Variants in CEP128 observed in about 807,000 individuals in gnomAD.
The protein encoded by CEP128 is centrosomal protein 128kDa.
Under a neutral mutation model 156.7 loss-of-function variants are expected in CEP128, and 132 were observed. The observed-to-expected ratio is 0.84, with a 90% CI of 0.73 to 0.97. The LOEUF (loss-of-function observed/expected upper bound fraction) is 0.97, where lower values mean the gene tolerates loss of function less well. CEP128 is among the 50% of genes least tolerant of loss of function. CEP128 has a pLI of 0.00. For missense variants in CEP128, 1,252 were observed against 1,281.9 expected (o/e 0.98, Z 0.36); for synonymous variants, 469 against 448.9 (o/e 1.04, Z -0.57).
intron 19 of CEP128, among the ~76,000 whole-genome samples, chr14:80,660,709 T>C (rs1271432264): frequency 6.6e-6 from 1 of 152,180 alleles, no homozygotes; most frequent in Non-Finnish European, 1.5e-5. Flanking sequence ...TTATTTTCCA[T>C]GTTTTATGCA....
chr14:80,861,375 T>G (rs1887503604), intron 9 of CEP128, among the ~76,000 whole-genome samples: 1 of 152,036 alleles, frequency 6.6e-6, no homozygotes, highest in Non-Finnish European at 1.5e-5. Context: ...AATTGTAACT[T>G]TAACAGTGGA....
intron 18 of CEP128, among the ~76,000 whole-genome samples, chr14:80,753,769 T>C (rs1899504668): frequency 6.6e-6 from 1 of 152,222 alleles, no homozygotes; most frequent in Non-Finnish European, 1.5e-5. Flanking sequence ...CGAATTTGCC[T>C]ATCTGGGACA....
chr14:80,584,537 A>C (rs1463366966), intron 19 of CEP128, among the ~76,000 whole-genome samples: 2 of 151,964 alleles, frequency 1.3e-5, no homozygotes, highest in Non-Finnish European at 2.9e-5. Context: ...CTCCACCCAC[A>C]CCATTGCTGT....
At chr14:80,511,143 C>T (rs1414651433) in intron 23 of CEP128, among the ~76,000 whole-genome samples, 2 of 149,934 alleles carry the variant, frequency 1.3e-5, no homozygotes, top group East Asian at 3.9e-4. Context: ...TGGGAGTATT[C>T]CCTCCTCCTC....
chr14:80,845,233 A>C (rs1301009730), intron 9 of CEP128, among the ~76,000 whole-genome samples: 1 of 152,190 alleles, frequency 6.6e-6, no homozygotes. Context: ...AAGACATACA[A>C]GTCTTTTAAC....
chr14:80,520,306 C>A (rs1229295500), intron 23 of CEP128, among the ~76,000 whole-genome samples: 1 of 152,088 alleles, frequency 6.6e-6, no homozygotes, highest in East Asian at 1.9e-4. Context: ...GTGATCCCAG[C>A]TACTCGGGAG....
intron 21 of CEP128, among the ~76,000 whole-genome samples, chr14:80,558,072 AAAAT>A: frequency 6.6e-6 from 1 of 152,190 alleles, no homozygotes; most frequent in Admixed American, 6.5e-5. Flanking sequence ...AAATAAAATT[AAAAT>A]CTATAATTCT....
At chr14:80,729,127 G>GTGTGTGTGT (rs1222842349) in intron 19 of CEP128, among the ~76,000 whole-genome samples, 4 of 115,116 alleles carry the variant, frequency 3.5e-5, no homozygotes, top group African/African-American at 1.2e-4. Context: ...GTGTGTGTGT[G>GTGTGTGTGT]TTTACCCAGT....
chr14:80,831,966 A>T (rs1414685766), intron 12 of CEP128, among the ~76,000 whole-genome samples: 1 of 152,174 alleles, frequency 6.6e-6, no homozygotes. Context: ...TAGCTCCCGT[A>T]ATTCCCACAT....
intron 15 of CEP128, among the ~76,000 whole-genome samples, chr14:80,779,355 G>A (rs1165170925): frequency 1.3e-5 from 2 of 152,126 alleles, no homozygotes; most frequent in Admixed American, 6.5e-5. Context: ...CCTGAGAGCT[G>A]ATGCCACATT....
At chr14:80,586,170 A>G (rs115800516) in intron 19 of CEP128, among the ~76,000 whole-genome samples, 1,773 of 152,264 alleles carry the variant, frequency 0.012, 33 homozygotes, top group African/African-American at 0.041. Context: ...TATACTTTCT[A>G]ATGTAAATTA....
At chr14:80,534,932 G>A (rs1467621546) in intron 21 of CEP128, among the ~76,000 whole-genome samples, 1 of 150,824 alleles carries the variant, frequency 6.6e-6, no homozygotes, top group Non-Finnish European at 1.5e-5. Flanking sequence ...AAATAAATCA[G>A]ATGCTTACAA....
chr14:80,647,116 C>CACACACAT (rs1555386211), intron 19 of CEP128, among the ~76,000 whole-genome samples: 70 of 121,980 alleles, frequency 5.7e-4, no homozygotes, highest in African/African-American at 2.0e-3. Flanking sequence ...TACACACACA[C>CACACACAT]ACACACACAT....
intron 19 of CEP128, among the ~76,000 whole-genome samples, chr14:80,674,086 T>C (rs1895967760): frequency 6.6e-6 from 1 of 150,646 alleles, no homozygotes; most frequent in Admixed American, 6.6e-5. Flanking sequence ...TTTTTTTTCA[T>C]TTGGGAAAAT....
chr14:80,772,008 C>A (rs527507465), intron 16 of CEP128, among the ~76,000 whole-genome samples: 12 of 152,276 alleles, frequency 7.9e-5, no homozygotes, highest in Non-Finnish European at 1.6e-4. Context: ...TTTAAGCTGA[C>A]CTTCTGTTTA....
chr14:80,942,986 T>C (rs1297038469), upstream of CEP128, among the ~76,000 whole-genome samples: 1 of 152,254 alleles, frequency 6.6e-6, no homozygotes, highest in Non-Finnish European at 1.5e-5. Context: ...TCCTATGCAT[T>C]TGCAACTATC....
intron 19 of CEP128, among the ~76,000 whole-genome samples, chr14:80,737,307 G>A (rs1161969815): frequency 6.6e-6 from 1 of 152,104 alleles, no homozygotes; most frequent in Admixed American, 6.6e-5. Flanking sequence ...GGGAGGCTGA[G>A]GCAGGAGAAT....
At chr14:80,929,126 C>G (rs1885307463) in intron 2 of CEP128, among the ~76,000 whole-genome samples, 2 of 151,888 alleles carry the variant, frequency 1.3e-5, no homozygotes, top group Admixed American at 1.3e-4. Context: ...AAAAAATGAT[C>G]AACATCACTA....
At chr14:80,851,128 C>T (rs576599845) in intron 9 of CEP128, among the ~76,000 whole-genome samples, 7 of 152,018 alleles carry the variant, frequency 4.6e-5, no homozygotes, top group African/African-American at 1.2e-4. Flanking sequence ...CATTTGGAAA[C>T]GTCAATTTCT....
Sources: allele counts gnomAD v4.1 joint callset (sites outside exome capture counted in the v4.1 genomes callset), GRCh38; gene constraint gnomAD v4.1.1; transcripts MANE v1.5; gene names NCBI Gene and HGNC (gene_info 2026-07-23, HGNC 2026-07-21).